The following CSMD1 variants were observed in gnomAD, a reference collection of about 807,000 sequenced individuals.
The protein encoded by CSMD1 is CUB and Sushi multiple domains 1, also known as CUB and sushi domain-containing protein 1.
In CSMD1, 213 loss-of-function variants were observed where a neutral mutation model predicts 417.5. The observed-to-expected ratio is 0.51, with a 90% CI of 0.46 to 0.57. CSMD1 has a LOEUF of 0.57. Among genes scored for constraint, CSMD1 ranks in the 20% least tolerant of loss-of-function variants. The probability of loss-of-function intolerance (pLI) is 0.00; values close to 1 mark genes in which losing one functional copy is unlikely to be tolerated. For missense variants in CSMD1, 6,923 were observed against 4,529.7 expected (o/e 1.53, Z -15.17); for synonymous variants, 2,862 against 1,736.8 (o/e 1.65, Z -16.11).
intron 1 of CSMD1, among the ~76,000 whole-genome samples, chr8:4,758,589 C>A (rs1811822620): frequency 6.6e-6 from 1 of 152,130 alleles, no homozygotes; most frequent in Non-Finnish European, 1.5e-5. Context: ...CAAGACTTGG[C>A]AATTTATAAA....
intron 2 of CSMD1, among the ~76,000 whole-genome samples, chr8:4,499,956 AG>A (rs1802171857): frequency 6.6e-6 from 1 of 152,218 alleles, no homozygotes; most frequent in South Asian, 2.1e-4. Context: ...ATGCATGGAA[AG>A]AAAAAAAGCA....
At chr8:3,431,815 T>C (rs1056844480) in intron 12 of CSMD1, among the ~76,000 whole-genome samples, 2 of 152,206 alleles carry the variant, frequency 1.3e-5, no homozygotes, top group Admixed American at 1.3e-4. Flanking sequence ...AGAAAACAAA[T>C]ATTTTATTCC....
chr8:4,175,772 A>T (rs939310529), intron 3 of CSMD1, among the ~76,000 whole-genome samples: 1 of 152,214 alleles, frequency 6.6e-6, no homozygotes, highest in African/African-American at 2.4e-5. Context: ...AAAGATATAA[A>T]GTCATGAATA....
intron 5 of CSMD1, among the ~76,000 whole-genome samples, chr8:3,951,928 A>T (rs1811625304): frequency 6.6e-6 from 1 of 152,166 alleles, no homozygotes; most frequent in African/African-American, 2.4e-5. Flanking sequence ...TCCCAGAAAA[A>T]AAAATAGATA....
Position 3,116,455 on chromosome 8 carries a change from G to A in CSMD1, c.6430+1944C>T, listed in dbSNP as rs149845318. ...CTCCCTGTTAAAACCATAATGACAAGCATGATAGTTTTAGAGATGTCTCTG... is the reference window on the plus strand; with the variant it reads ...CTCCCTGTTAAAACCATAATGACAAACATGATAGTTTTAGAGATGTCTCTG... On this transcript the variant is annotated intron_variant, in intron 42 of 69. Coordinates refer to ENST00000635120, the MANE Select transcript of CSMD1 (RefSeq NM_033225.6). 1.8e-3 allele frequency among the ~76,000 whole-genome samples: 277 copies of A among 152,214 alleles called. 1 individual carries two copies. Among genetic ancestry groups the A allele is most frequent in the African/African-American group, 6.4e-3 (265 of 41,540 alleles).
chr8:3,471,184 C>A (rs994150895), intron 11 of CSMD1, among the ~76,000 whole-genome samples: 2 of 152,180 alleles, frequency 1.3e-5, no homozygotes, highest in African/African-American at 4.8e-5. Context: ...GTGTTGTCGG[C>A]ATTTTTCCAC....
At chr8:3,757,463 T>C (rs952663856) in intron 5 of CSMD1, among the ~76,000 whole-genome samples, 7 of 152,234 alleles carry the variant, frequency 4.6e-5, no homozygotes, top group African/African-American at 1.7e-4. Context: ...TTTTTGATTG[T>C]ATTTTTTCAG....
intron 30 of CSMD1, among the ~76,000 whole-genome samples, chr8:3,206,398 TG>T (rs934348159): frequency 1.9e-5 from 2 of 107,550 alleles, no homozygotes; most frequent in African/African-American, 3.7e-5. Context: ...TATGTGTGTG[TG>T]GGGGGTTATG....
chr8:3,100,962 C>T (rs562998074), intron 46 of CSMD1, among the ~76,000 whole-genome samples: 2 of 151,896 alleles, frequency 1.3e-5, no homozygotes, highest in African/African-American at 2.4e-5. Flanking sequence ...AGCTGGGCAG[C>T]GGCGGTTTTT....
intron 2 of CSMD1, among the ~76,000 whole-genome samples, chr8:4,542,087 T>A (rs1417511709): frequency 6.6e-6 from 1 of 152,108 alleles, no homozygotes; most frequent in Non-Finnish European, 1.5e-5. Context: ...TCTTACCAAG[T>A]GAAATATATG....
At chr8:4,298,650 A>C (rs979738532) in intron 3 of CSMD1, among the ~76,000 whole-genome samples, 10 of 152,156 alleles carry the variant, frequency 6.6e-5, no homozygotes, top group African/African-American at 2.4e-4. Flanking sequence ...TTTAGTTTTA[A>C]TACAGTTCTA....
At chr8:4,418,553 G>A (rs184747658) in intron 3 of CSMD1, among the ~76,000 whole-genome samples, 1 of 152,274 alleles carries the variant, frequency 6.6e-6, no homozygotes, top group African/African-American at 2.4e-5. Context: ...AAATGTGGAA[G>A]CATTATCTAT....
intron 8 of CSMD1, among the ~76,000 whole-genome samples, chr8:3,598,597 T>G (rs1435530139): frequency 6.6e-6 from 1 of 152,178 alleles, no homozygotes; most frequent in Non-Finnish European, 1.5e-5. Flanking sequence ...GTTCCTTCTT[T>G]TATTTGTCCT....
At chr8:4,428,329 C>G (rs753780516) in intron 2 of CSMD1, among the ~76,000 whole-genome samples, 1 of 152,182 alleles carries the variant, frequency 6.6e-6, no homozygotes, top group African/African-American at 2.4e-5. Flanking sequence ...CAACACCTTT[C>G]TCTATCATCT....
chr8:4,374,132 C>A (rs891776327), intron 3 of CSMD1, among the ~76,000 whole-genome samples: 1 of 152,096 alleles, frequency 6.6e-6, no homozygotes, highest in African/African-American at 2.4e-5. Flanking sequence ...ATTGACCCAT[C>A]AGCTGGATAA....
intron 3 of CSMD1, among the ~76,000 whole-genome samples, chr8:4,314,831 G>C (rs771329116): frequency 6.6e-6 from 1 of 152,156 alleles, no homozygotes; most frequent in Admixed American, 6.5e-5. Context: ...AAAGGATTTT[G>C]TAAGAGGAGG....
Position 3,670,909 on chromosome 8 carries a change from A to T in CSMD1, c.1009+37505T>A, listed in dbSNP as rs573352682. 2.7e-5 allele frequency among the ~76,000 whole-genome samples: 4 copies of T among 148,024 alleles called. No individual in the cohort carries two copies. The East Asian group carries it at 6.0e-4, about 22-fold the overall frequency. On this transcript the variant is annotated intron_variant, in intron 7 of 69. Coordinates refer to ENST00000635120, the MANE Select transcript of CSMD1 (RefSeq NM_033225.6). ...ATATATGTATGTGATATATATGTATATGGGATATATATGTATATGGGATAT... is the reference window on the plus strand; with the variant it reads ...ATATATGTATGTGATATATATGTATTTGGGATATATATGTATATGGGATAT...
chr8:4,117,097 C>T (rs1802198572), intron 3 of CSMD1, among the ~76,000 whole-genome samples: 1 of 151,800 alleles, frequency 6.6e-6, no homozygotes, highest in African/African-American at 2.4e-5. Flanking sequence ...CCCTTTTCCC[C>T]CTTGAGCTTT....
chr8:3,417,286 G>A (rs80037003), intron 12 of CSMD1, among the ~76,000 whole-genome samples: 2,192 of 152,268 alleles, frequency 0.014, 47 homozygotes, highest in African/African-American at 0.049. Context: ...ATATTCTGCA[G>A]AAAACACTCT....
Sources: gnomAD v4.1 joint callset for allele counts (sites outside exome capture counted in the v4.1 genomes callset) on GRCh38, gnomAD v4.1.1 for gene constraint, MANE v1.5 for transcripts, NCBI Gene and HGNC (gene_info 2026-07-23, HGNC 2026-07-21) for gene names.